CNTNAP5: variants seen among roughly 807,000 people sequenced by gnomAD.
The protein encoded by CNTNAP5 is contactin associated protein family member 5.
In CNTNAP5, 72 loss-of-function variants were observed where a neutral mutation model predicts 150.2. That is an observed-to-expected ratio of 0.48 (90% CI 0.40 to 0.58). CNTNAP5 has a LOEUF of 0.58. Ranked by LOEUF, CNTNAP5 falls within the 20% of genes least tolerant of loss-of-function variation. The pLI, the probability that CNTNAP5 is intolerant of heterozygous loss-of-function variation, is 0.00. For synonymous variants in CNTNAP5, 672 were observed against 619.8 expected (o/e 1.08, Z -1.25); for missense variants, 1,636 against 1,626.2 (o/e 1.01, Z -0.10).
intron 2 of CNTNAP5, among the ~76,000 whole-genome samples, chr2:124,239,646 A>T (rs1363250746): frequency 6.6e-6 from 1 of 151,852 alleles, no homozygotes; most frequent in Non-Finnish European, 1.5e-5. Flanking sequence ...ATATACATTT[A>T]TTTTCTATCA....
At position 124,302,034 on chromosome 2, in the gene CNTNAP5, T is replaced by G. The variant is rs566416842; in HGVS notation, c.381+59641T>G. ...GTAAGAAGAGGAAAAGACCCTAAGATGGCATACACAGAGGAAAGGCCTTGT... is the reference window on the plus strand; with the variant it reads ...GTAAGAAGAGGAAAAGACCCTAAGAGGGCATACACAGAGGAAAGGCCTTGT... On this transcript the variant is annotated intron_variant, in intron 3 of 23. Transcript: ENST00000682447. Among the ~76,000 whole-genome samples the G allele has an allele frequency of 5.9e-5, 9 of 152,302 alleles. No individual in the cohort carries two copies. The East Asian group carries it at 1.7e-3, about 29-fold the overall frequency.
intron 3 of CNTNAP5, among the ~76,000 whole-genome samples, chr2:124,254,152 A>T (rs1342987108): frequency 6.6e-6 from 1 of 152,230 alleles, no homozygotes; most frequent in Non-Finnish European, 1.5e-5. Context: ...TGTCCCTGAC[A>T]TATAAAAAGT....
At chr2:124,590,649 A>C (rs1276916141) in intron 11 of CNTNAP5, among the ~76,000 whole-genome samples, 1 of 152,202 alleles carries the variant, frequency 6.6e-6, no homozygotes, top group African/African-American at 2.4e-5. Context: ...TGATGTCCGT[A>C]GGCTGTGCAT....
intron 1 of CNTNAP5, among the ~76,000 whole-genome samples, chr2:124,172,088 T>C (rs2104665619): frequency 6.6e-6 from 1 of 152,330 alleles, no homozygotes; most frequent in Admixed American, 6.5e-5. Context: ...ATGCCTATAT[T>C]TAAAATAAAT....
At chr2:124,133,428 T>C (rs2104605544) in intron 1 of CNTNAP5, among the ~76,000 whole-genome samples, 1 of 152,316 alleles carries the variant, frequency 6.6e-6, no homozygotes, top group East Asian at 1.9e-4. Context: ...CTGAAGGAGT[T>C]CTATGGTGAT....
chr2:124,837,407 A>T (rs770686275), intron 19 of CNTNAP5, among the ~76,000 whole-genome samples: 8 of 152,122 alleles, frequency 5.3e-5, no homozygotes, highest in Non-Finnish European at 1.0e-4. Flanking sequence ...TACAACTATA[A>T]TTCTCAGTTA....
chr2:124,618,741 C>T (rs1677541942), intron 12 of CNTNAP5, among the ~76,000 whole-genome samples: 1 of 152,090 alleles, frequency 6.6e-6, no homozygotes, highest in Admixed American at 6.6e-5. Flanking sequence ...TCCATATTGA[C>T]CTGCTTAAAG....
chr2:124,718,307 T>C (rs146948339), intron 13 of CNTNAP5, among the ~76,000 whole-genome samples: 25 of 152,260 alleles, frequency 1.6e-4, no homozygotes, highest in Admixed American at 4.6e-4. Context: ...AAGATAAAGG[T>C]TCCTATTTCT....
chr2:124,844,657 C>T (rs1214203202), intron 19 of CNTNAP5, among the ~76,000 whole-genome samples: 3 of 151,888 alleles, frequency 2.0e-5, no homozygotes, highest in African/African-American at 7.2e-5. Context: ...CCATTTGTTT[C>T]TGTTGTCTAT....
At chr2:124,865,619 C>A (rs1216358868) in intron 20 of CNTNAP5, among the ~76,000 whole-genome samples, 183 bp downstream of exon 20, 1 of 152,204 alleles carries the variant, frequency 6.6e-6, no homozygotes, top group Non-Finnish European at 1.5e-5. Context: ...CATGTCCCAC[C>A]AGTATCAGCA....
At chr2:124,350,162 G>T (rs1054111170) in intron 3 of CNTNAP5, among the ~76,000 whole-genome samples, 1 of 151,844 alleles carries the variant, frequency 6.6e-6, no homozygotes, top group African/African-American at 2.4e-5. Flanking sequence ...GATTACAGGC[G>T]TGAGCCACCA....
intron 3 of CNTNAP5, among the ~76,000 whole-genome samples, chr2:124,390,582 G>T (rs779745270): frequency 6.6e-6 from 1 of 152,192 alleles, no homozygotes; most frequent in Admixed American, 6.5e-5. Flanking sequence ...TAATCAAGTA[G>T]ACTAAAACAC....
At chr2:124,420,796 C>T (rs577576021) in intron 4 of CNTNAP5, among the ~76,000 whole-genome samples, 5 of 152,214 alleles carry the variant, frequency 3.3e-5, no homozygotes, top group East Asian at 1.9e-4. Context: ...ACTTCAGGCA[C>T]GTTTAACCAG....
intron 3 of CNTNAP5, among the ~76,000 whole-genome samples, chr2:124,249,709 A>G (rs1687125601): frequency 6.6e-6 from 1 of 152,120 alleles, no homozygotes; most frequent in African/African-American, 2.4e-5. Flanking sequence ...TGTTCTCAGG[A>G]CCTCTGGAGG....
chr2:124,758,818 A>G (rs1222067872), intron 14 of CNTNAP5, among the ~76,000 whole-genome samples: 1 of 152,158 alleles, frequency 6.6e-6, no homozygotes, highest in Non-Finnish European at 1.5e-5. Flanking sequence ...CTGAGAAGTC[A>G]GAAGATGAGA....
chr2:124,612,719 G>A (rs143235067), intron 12 of CNTNAP5, among the ~76,000 whole-genome samples: 48 of 152,200 alleles, frequency 3.2e-4, no homozygotes, highest in East Asian at 1.9e-4. Flanking sequence ...TCAGCTGCAC[G>A]ATGTCTAACT....
intron 1 of CNTNAP5, among the ~76,000 whole-genome samples, chr2:124,198,338 C>G (rs1685640139): frequency 6.6e-6 from 1 of 151,964 alleles, no homozygotes; most frequent in Non-Finnish European, 1.5e-5. Flanking sequence ...CAATCTGTGG[C>G]CTAGATTTTT....
chr2:124,622,619 G>A (rs918353169), intron 12 of CNTNAP5, among the ~76,000 whole-genome samples: 1 of 151,730 alleles, frequency 6.6e-6, no homozygotes, highest in East Asian at 2.0e-4. Flanking sequence ...TCTCCACAGT[G>A]TCATCAGCGT....
intron 13 of CNTNAP5, among the ~76,000 whole-genome samples, chr2:124,719,634 C>G (rs947985891): frequency 6.6e-6 from 1 of 152,132 alleles, no homozygotes; most frequent in African/African-American, 2.4e-5. Context: ...GTAATAGTTT[C>G]TCTTGTGGTC....
Sources: allele counts gnomAD v4.1 joint callset (sites outside exome capture counted in the v4.1 genomes callset), GRCh38; gene constraint gnomAD v4.1.1; transcripts MANE v1.5; gene names NCBI Gene and HGNC (gene_info 2026-07-23, HGNC 2026-07-21).